Variants in SYNE2 observed in about 807,000 individuals in gnomAD.
SYNE2 encodes spectrin repeat containing nuclear envelope protein 2.
In SYNE2, 431 loss-of-function variants were observed where a neutral mutation model predicts 856.3. The ratio of observed to expected loss-of-function variants is 0.50; its 90% CI spans 0.47 to 0.55. The LOEUF (loss-of-function observed/expected upper bound fraction) is 0.55. Among genes scored for constraint, SYNE2 ranks in the 20% least tolerant of loss-of-function variants. The pLI is 0.00. For synonymous variants in SYNE2, 2,923 were observed against 2,872.3 expected, an observed-to-expected ratio of 1.02 and a Z score of -0.56; for missense variants, 8,129 against 8,023.2, an observed-to-expected ratio of 1.01 and a Z score of -0.50.
chr14:63,957,833 A>C (rs945477245), intron 8 of SYNE2, among the ~76,000 whole-genome samples: 4 of 151,938 alleles, frequency 2.6e-5, no homozygotes, highest in African/African-American at 4.8e-5. Flanking sequence ...TTCTTTCCAT[A>C]CTGTGCTCTT....
rs75272762 is a variant in SYNE2, at chr14:64,035,743, G to A, written c.7221+4386G>A. ...GTCTGGCTCTGTCACTCAGGCTGGA[G>A]TGTAGTCATAGTGCAGTCATAGCTC... On this transcript the variant is annotated intron_variant, in intron 45 of 115. Transcript: ENST00000555002. Among the ~76,000 whole-genome samples, 864 of 152,138 alleles carry A rather than the reference G, an allele frequency of 5.7e-3. 11 individuals carry two copies. The highest frequency in any genetic ancestry group is 9.3e-3 in the Non-Finnish European group (634 of 67,992).
At chr14:63,858,262 C>CTTTTTTT (rs61091259) in intron 1 of SYNE2, among the ~76,000 whole-genome samples, 16 of 52,932 alleles carry the variant, frequency 3.0e-4, no homozygotes, top group East Asian at 6.7e-4. Flanking sequence ...CCACACCGGC[C>CTTTTTTT]TTTTTTTTTT....
Position 64,078,461 on chromosome 14 carries a change from C to T in SYNE2, c.11023-5C>T. 1 of 1,613,740 alleles carries T rather than the reference C, an allele frequency of 6.2e-7. No individual in the cohort carries two copies. Among genetic ancestry groups the T allele is most frequent in the Non-Finnish European group, 8.5e-7 (1 of 1,179,828 alleles). The stretch of plus-strand genomic sequence containing the variant: ...AAGCCAAATGCGTCTTTGTCTCTTT[C>T]ACAGATTAGCAATGAAGTCTTAAAA... On this transcript the variant is annotated splice_polypyrimidine_tract_variant and splice_region_variant and intron_variant, in intron 54 of 115. Coordinates refer to ENST00000555002, the MANE Select transcript of SYNE2 (RefSeq NM_182914.3).
intron 1 of SYNE2, among the ~76,000 whole-genome samples, chr14:63,837,246 A>T (rs541513875): frequency 3.3e-5 from 5 of 152,350 alleles, no homozygotes; most frequent in African/African-American, 1.2e-4. Context: ...ATTCAGATGC[A>T]AAAGACTGAA....
chr14:64,065,635 A>G lies in SYNE2; in HGVS notation c.10416A>G (p.Lys3472=), dbSNP rs1241914507. The change falls in exon 51 of 116, where the codon AAA becomes AAG. Residue 3472 remains lysine (K), a synonymous_variant. Transcript: ENST00000555002. ...MWCEELKQEW[K]FVSEEIEREA... ...GCGAAGAACTGAAGCAGGAATGGAA[A>G]TTTGTCAGTGAAGAAGTGAGTGCTT... The G allele has an allele frequency of 6.2e-7, 1 of 1,614,036 alleles. No individual in the cohort carries two copies. Among genetic ancestry groups the G allele is most frequent in the Non-Finnish European group, 8.5e-7 (1 of 1,180,040 alleles).
In SYNE2 at chr14:64,017,636, A is replaced by T; in HGVS notation, c.4929A>T (p.Arg1643=). ...AAGATTACTATGAAAATCTTGGTCGAGCTCTAGCTTTGTGGGACAAACTTT... is the reference window on the plus strand; with the variant it reads ...AAGATTACTATGAAAATCTTGGTCGTGCTCTAGCTTTGTGGGACAAACTTT... ...KTEDYYENLG[R]ALALWDKLFN... Residue 1643 remains arginine (R), a synonymous_variant, in exon 34 of 116, where the codon CGA becomes CGT. Transcript: ENST00000555002. The T allele has an allele frequency of 6.2e-7, 1 of 1,613,444 alleles. No individual in the cohort carries two copies. Among genetic ancestry groups the T allele is most frequent in the Non-Finnish European group, 8.5e-7 (1 of 1,179,574 alleles).
chr14:63,848,940 A>G (rs1457940937), upstream of SYNE2, among the ~76,000 whole-genome samples: 1 of 152,214 alleles, frequency 6.6e-6, no homozygotes, highest in Non-Finnish European at 1.5e-5. Flanking sequence ...GGCAATACAC[A>G]ACTTGCATCT....
At chr14:64,183,078 A>ACGGGG (rs1218274725) in intron 96 of SYNE2, among the ~76,000 whole-genome samples, 1 of 146,232 alleles carries the variant, frequency 6.8e-6, no homozygotes, top group African/African-American at 2.7e-5. Flanking sequence ...CACTTCCCGG[A>ACGGGG]CGGGGCGGCT....
At chr14:64,133,484 G>A (rs772381079) in intron 77 of SYNE2, among the ~76,000 whole-genome samples, 1 of 152,158 alleles carries the variant, frequency 6.6e-6, no homozygotes, top group Non-Finnish European at 1.5e-5. Context: ...TGGGGTCCTC[G>A]GGGTGGGCAT....
intron 30 of SYNE2, among the ~76,000 whole-genome samples, chr14:64,005,515 C>A (rs1009865735): frequency 1.3e-5 from 2 of 152,130 alleles, no homozygotes; most frequent in Non-Finnish European, 2.9e-5. Flanking sequence ...TTTCATTGTC[C>A]ATTGTGTCAG....
At chr14:63,951,061 T>G (rs910853504) in intron 7 of SYNE2, among the ~76,000 whole-genome samples, 14 of 152,106 alleles carry the variant, frequency 9.2e-5, no homozygotes, top group Admixed American at 7.9e-4. Flanking sequence ...GGTAGACAAT[T>G]TACTTTTCCA....
intron 1 of SYNE2, among the ~76,000 whole-genome samples, chr14:63,863,074 G>A (rs146546324): frequency 2.0e-5 from 3 of 151,940 alleles, no homozygotes; most frequent in Non-Finnish European, 4.4e-5. Context: ...CTGGGATTAT[G>A]GGCCTGAGCC....
At chr14:63,963,671 G>C (rs915973849) in intron 9 of SYNE2, among the ~76,000 whole-genome samples, 1 of 152,162 alleles carries the variant, frequency 6.6e-6, no homozygotes, top group Non-Finnish European at 1.5e-5. Context: ...GGGGGAGGGG[G>C]TGTGTTGCTT....
At chr14:64,041,312 AG>A (rs1376053203) in intron 45 of SYNE2, among the ~76,000 whole-genome samples, 1 of 152,200 alleles carries the variant, frequency 6.6e-6, no homozygotes, top group Non-Finnish European at 1.5e-5. Context: ...AAGCCTAAAC[AG>A]GAAAAGAGAG....
At chr14:63,805,727 CGT>C (rs917402338) in intron 1 of SYNE2, among the ~76,000 whole-genome samples, 4 of 151,990 alleles carry the variant, frequency 2.6e-5, no homozygotes, top group Non-Finnish European at 4.4e-5. Flanking sequence ...GTATTTTGTA[CGT>C]GTGTGTGTGG....
At chr14:63,937,603 A>G (rs1417076256) in intron 2 of SYNE2, among the ~76,000 whole-genome samples, 1 of 152,108 alleles carries the variant, frequency 6.6e-6, no homozygotes, top group Non-Finnish European at 1.5e-5. Context: ...TGTTTGTGGA[A>G]GAAGAAAAGG....
chr14:63,880,913 G>C (rs7153723), intron 1 of SYNE2, among the ~76,000 whole-genome samples: 94,051 of 150,462 alleles, frequency 0.63, 29,470 homozygotes, highest in South Asian at 0.72. Flanking sequence ...GTGGTGCGAT[G>C]TCGGCTCACT....
intron 11 of SYNE2, among the ~76,000 whole-genome samples, chr14:63,974,892 G>GTGTATATATATATATATA (rs1375697679): frequency 1.0e-3 from 70 of 67,250 alleles, no homozygotes; most frequent in East Asian, 1.8e-3. Flanking sequence ...GTGTGTGTGT[G>GTGTATATATATATATATA]TATATATATA....
At position 63,911,191 on chromosome 14, in the gene SYNE2, T is replaced by C. The variant is rs1049862924; in HGVS notation, c.79+1964T>C. Reference sequence around the variant, plus strand: ...GCCAGCCTGTGTGCTTTCATTCAGATTGTTTCCCTTGTAGCTCCCCCGGCC... The same window carrying C: ...GCCAGCCTGTGTGCTTTCATTCAGACTGTTTCCCTTGTAGCTCCCCCGGCC... On this transcript the variant is annotated intron_variant, in intron 2 of 115. Transcript: ENST00000555002. Among the ~76,000 whole-genome samples the C allele has an allele frequency of 1.2e-4, 19 of 152,234 alleles. No homozygotes were observed. The East Asian group carries it at 1.9e-3, about 15-fold the overall frequency.
Sources: gnomAD v4.1 joint callset for allele counts (sites outside exome capture counted in the v4.1 genomes callset) on GRCh38, gnomAD v4.1.1 for gene constraint, MANE v1.5 for transcripts, NCBI Gene and HGNC (gene_info 2026-07-23, HGNC 2026-07-21) for gene names.